The following ITPR2 variants were observed in gnomAD, a reference collection of about 807,000 sequenced individuals.
The protein encoded by ITPR2 is inositol 1,4,5-trisphosphate-gated calcium channel ITPR2.
A neutral mutation model predicts 317.1 loss-of-function variants in ITPR2; 207 were observed. That is an observed-to-expected ratio of 0.65 (90% CI 0.58 to 0.73). The LOEUF is 0.73. Among genes scored for constraint, ITPR2 ranks in the 30% least tolerant of loss-of-function variants. The pLI is 0.00. For synonymous variants in ITPR2, 1,156 were observed against 1,149.1 expected, an observed-to-expected ratio of 1.01 and a Z score of -0.12; for missense variants, 2,613 against 3,284.0, an observed-to-expected ratio of 0.80 and a Z score of 4.99.
rs2136848548 is a variant in ITPR2, at chr12:26,486,286, C to G, written c.5629G>C (p.Ala1877Pro). Residue 1877 changes from alanine to proline, a missense_variant, in exon 41 of 57, where the codon GCA (alanine) becomes CCA (proline). Physicochemically the swap from Ala to Pro is conservative, Grantham distance 27 (BLOSUM62 -1). This residue lies in a region of ITPR2 where 926 missense variants were observed against 1,072.8 expected (regional missense o/e 0.86). Coordinates refer to ENST00000381340, the MANE Select transcript of ITPR2 (RefSeq NM_002223.4). ...LTEASSATSK[A>P]YCVYRREMDP... ...ATTTCTCTTCTGTATACACAATATG[C>G]TTTGGATGTTGCTGAAGAAGCTTCT... 6.2e-7 allele frequency: 1 copy of G among 1,613,804 alleles called. No homozygotes were observed. Among genetic ancestry groups the G allele is most frequent in the East Asian group, 2.2e-5 (1 of 44,868 alleles).
At chr12:26,440,541 T>C (rs747787864) in intron 46 of ITPR2, among the ~76,000 whole-genome samples, 3 of 152,182 alleles carry the variant, frequency 2.0e-5, no homozygotes, top group Non-Finnish European at 4.4e-5. Context: ...GGTATTCTAT[T>C]AATCTTGTAA....
At chr12:26,418,940 T>C in intron 50 of ITPR2, 109 bp downstream of exon 50, 1 of 846,710 alleles carries the variant, frequency 1.2e-6, no homozygotes. Context: ...ACATAATTTG[T>C]CCTAAATGTC....
At chr12:26,648,901 T>A (rs980935431) in intron 21 of ITPR2, 2 of 152,200 alleles carry the variant, frequency 1.3e-5, no homozygotes, top group South Asian at 2.1e-4. Context: ...TAAGAATTTA[T>A]ACAGTCTAAC....
chr12:26,345,710 T>C (rs1938287131), intron 55 of ITPR2, among the ~76,000 whole-genome samples: 1 of 152,218 alleles, frequency 6.6e-6, no homozygotes, highest in African/African-American at 2.4e-5. Context: ...CTCTCTCTGC[T>C]CTTATGGCTT....
rs764946698 is a variant in ITPR2, at chr12:26,654,064, C to A, written c.2652G>T (p.Arg884Ser). 1.9e-6 allele frequency: 3 copies of A among 1,545,344 alleles called. No individual in the cohort carries two copies. The highest frequency in any genetic ancestry group is 2.6e-6 in the Non-Finnish European group (3 of 1,142,348). The change falls in exon 21 of 57, where the codon AGG (arginine) becomes AGT (serine). Residue 884 changes from arginine to serine, a missense_variant. By Grantham distance (110) the Arg-to-Ser change is moderately radical. Around this residue, in one of 9 missense-constraint regions of ITPR2, gnomAD observed 817 missense variants for 897.6 expected, o/e 0.91. Coordinates refer to ENST00000381340, the MANE Select transcript of ITPR2 (RefSeq NM_002223.4). Reference sequence around the variant, plus strand: ...AAATAGCCAGAAGTGTTCTTGTTAGCCTTAATAACTCACTGAAACTATAAA... The same window carrying A: ...AAATAGCCAGAAGTGTTCTTGTTAGACTTAATAACTCACTGAAACTATAAA... ...FGFYSFSELL[R>S]LTRTLLAILD...
intron 34 of ITPR2, among the ~76,000 whole-genome samples, chr12:26,569,866 T>A (rs1353179750): frequency 6.6e-6 from 1 of 152,138 alleles, no homozygotes; most frequent in Non-Finnish European, 1.5e-5. Context: ...AATTGAACAA[T>A]CTCTACAGAG....
intron 2 of ITPR2, among the ~76,000 whole-genome samples, chr12:26,735,857 T>TC (rs1457987266): frequency 1.6e-4 from 24 of 152,358 alleles, no homozygotes; most frequent in African/African-American, 5.8e-4. Context: ...CCCTGTCAAA[T>TC]TTGTATATAG....
chr12:26,456,766 G>A (rs555277161), intron 45 of ITPR2, among the ~76,000 whole-genome samples: 3 of 152,242 alleles, frequency 2.0e-5, no homozygotes, highest in Non-Finnish European at 2.9e-5. Flanking sequence ...TCCACCACCC[G>A]GGTTCAAGCG....
At chr12:26,596,806 G>A (rs1945857876) in intron 31 of ITPR2, 77 bp downstream of exon 31, 7 of 1,178,934 alleles carry the variant, frequency 5.9e-6, no homozygotes, top group East Asian at 4.9e-5. Context: ...ATTAGTATGG[G>A]GGACTTCTGG....
intron 55 of ITPR2, among the ~76,000 whole-genome samples, chr12:26,359,793 G>A (rs1346481277): frequency 6.6e-6 from 1 of 152,064 alleles, no homozygotes; most frequent in Non-Finnish European, 1.5e-5. Context: ...TCAGGGACAA[G>A]CACATGGCGT....
At chr12:26,444,808 G>C (rs1416639871) in intron 45 of ITPR2, among the ~76,000 whole-genome samples, 2 of 152,094 alleles carry the variant, frequency 1.3e-5, no homozygotes, top group Non-Finnish European at 2.9e-5. Context: ...AATTTGGTAA[G>C]TTAAATGTTC....
chr12:26,640,584 C>A (rs554319132), intron 21 of ITPR2, among the ~76,000 whole-genome samples: 2 of 152,104 alleles, frequency 1.3e-5, no homozygotes, highest in South Asian at 4.1e-4. Context: ...ATAATTTTCC[C>A]CCCAGTATGA....
chr12:26,342,471 A>G (rs1296883834), intron 55 of ITPR2, among the ~76,000 whole-genome samples: 1 of 52,774 alleles, frequency 1.9e-5, no homozygotes, highest in Non-Finnish European at 3.4e-5. Flanking sequence ...AAGTGGACCG[A>G]ATGGGAGGTG....
intron 54 of ITPR2, among the ~76,000 whole-genome samples, chr12:26,392,471 T>G (rs886168515): frequency 1.3e-5 from 2 of 152,202 alleles, no homozygotes; most frequent in South Asian, 4.2e-4. Context: ...AGCTGTTTGA[T>G]CTTCTGGGCC....
chr12:26,654,999 C>T (rs912313354), intron 20 of ITPR2, among the ~76,000 whole-genome samples: 1 of 152,206 alleles, frequency 6.6e-6, no homozygotes, highest in South Asian at 2.1e-4. Flanking sequence ...TTGCTTCAGG[C>T]TGCAAGTTTT....
intron 54 of ITPR2, among the ~76,000 whole-genome samples, chr12:26,390,551 T>G (rs1445261318): frequency 6.6e-6 from 1 of 151,978 alleles, no homozygotes; most frequent in Non-Finnish European, 1.5e-5. Flanking sequence ...TATAGGCAAA[T>G]CCACAGAGGC....
intron 37 of ITPR2, among the ~76,000 whole-genome samples, chr12:26,542,556 A>G (rs1944290657): frequency 6.6e-6 from 1 of 152,270 alleles, no homozygotes; most frequent in African/African-American, 2.4e-5. Flanking sequence ...GATTAGGAAC[A>G]GTGTCTGACA....
At chr12:26,688,961 G>A (rs1948182313) in intron 10 of ITPR2, among the ~76,000 whole-genome samples, 1 of 152,060 alleles carries the variant, frequency 6.6e-6, no homozygotes, top group Non-Finnish European at 1.5e-5. Context: ...ACTGTATACT[G>A]GAAATTTGCT....
At chr12:26,691,136 C>A (rs1948232252) in intron 10 of ITPR2, among the ~76,000 whole-genome samples, 1 of 152,164 alleles carries the variant, frequency 6.6e-6, no homozygotes, top group Admixed American at 6.5e-5. Context: ...CAAGCCCACT[C>A]CTTGGAATGT....
Sources: allele counts gnomAD v4.1 joint callset (sites outside exome capture counted in the v4.1 genomes callset), GRCh38; gene constraint gnomAD v4.1.1; regional missense constraint gnomAD v4.1.1; transcripts MANE v1.5; gene names NCBI Gene and HGNC (gene_info 2026-07-23, HGNC 2026-07-21).